The following AGBL1 variants were observed in gnomAD, a reference collection of about 807,000 sequenced individuals.
The protein encoded by AGBL1 is AGBL carboxypeptidase 1.
Under a neutral mutation model 118.9 loss-of-function variants are expected in AGBL1, and 130 were observed. The ratio of observed to expected loss-of-function variants is 1.09; its 90% CI spans 0.95 to 1.26. The LOEUF is 1.26. AGBL1 is among the 50% of genes most tolerant of loss of function. AGBL1 has a pLI of 0.00. For missense variants in AGBL1, 1,584 were observed against 1,298.1 expected (o/e 1.22, Z -3.38); for synonymous variants, 555 against 478.9 (o/e 1.16, Z -2.08).
In AGBL1 at chr15:86,912,880, G is replaced by T. The variant is rs1596626066; in HGVS notation, c.*5586G>T. On this transcript the variant is annotated 3_prime_UTR_variant, in exon 23 of 23. Transcript: ENST00000614907. ...CTTGGAAAGACATGCATAGTAGCCT[G>T]GTGCCCACCAGGAGGGCTTTTCTGG... 6.6e-6 allele frequency: 1 copy of T among 152,322 alleles called. No individual in the cohort carries two copies. Among genetic ancestry groups the T allele is most frequent in the East Asian group, 1.9e-4 (1 of 5,164 alleles). The allele number at this position is 152,322 out of a possible 1,614,324, so 9.4% of individuals were successfully genotyped here.
At chr15:86,801,111 A>C (rs1596493633) in intron 22 of AGBL1, among the ~76,000 whole-genome samples, 1 of 152,102 alleles carries the variant, frequency 6.6e-6, no homozygotes, top group East Asian at 1.9e-4. Flanking sequence ...GCCCATCCTC[A>C]AAATGATCCT....
At chr15:86,657,872 G>A (rs1567107368) in intron 21 of AGBL1, among the ~76,000 whole-genome samples, 1 of 151,884 alleles carries the variant, frequency 6.6e-6, no homozygotes, top group Non-Finnish European at 1.5e-5. Context: ...GTGTCTTGGT[G>A]GGAAGCACCC....
At chr15:86,297,345 T>A (rs1172087396) in intron 17 of AGBL1, among the ~76,000 whole-genome samples, 1 of 152,220 alleles carries the variant, frequency 6.6e-6, no homozygotes, top group Non-Finnish European at 1.5e-5. Flanking sequence ...TTGACCTAGA[T>A]GAAAGGGCTA....
intron 1 of AGBL1, among the ~76,000 whole-genome samples, chr15:86,127,875 G>A (rs369957943): frequency 1.6e-4 from 24 of 152,308 alleles, no homozygotes; most frequent in African/African-American, 5.8e-4. Flanking sequence ...ATGAGAAAAG[G>A]AAAGCCACAA....
At chr15:86,703,061 C>T (rs1343882640) in intron 22 of AGBL1, among the ~76,000 whole-genome samples, 1 of 152,114 alleles carries the variant, frequency 6.6e-6, no homozygotes, top group Non-Finnish European at 1.5e-5. Flanking sequence ...ATTGTAGTGT[C>T]TCAGAATCCA....
intron 22 of AGBL1, among the ~76,000 whole-genome samples, chr15:86,831,826 TG>T (rs1369480518): frequency 6.6e-6 from 1 of 152,190 alleles, no homozygotes; most frequent in African/African-American, 2.4e-5. Flanking sequence ...GAAATCTGTG[TG>T]GGGGCTTGCA....
At chr15:86,171,186 G>A (rs1480750525) in intron 5 of AGBL1, among the ~76,000 whole-genome samples, 2 of 152,148 alleles carry the variant, frequency 1.3e-5, no homozygotes, top group African/African-American at 2.4e-5. Flanking sequence ...GTGGAAAGAT[G>A]TATCTATTCA....
intron 21 of AGBL1, among the ~76,000 whole-genome samples, chr15:86,581,252 G>A (rs1427668897): frequency 1.3e-5 from 2 of 152,092 alleles, no homozygotes; most frequent in African/African-American, 4.8e-5. Context: ...TAATGGAGAG[G>A]CAAAAGAAAG....
intron 21 of AGBL1, among the ~76,000 whole-genome samples, chr15:86,602,619 A>G (rs2084513827): frequency 6.6e-6 from 1 of 152,172 alleles, no homozygotes; most frequent in Non-Finnish European, 1.5e-5. Context: ...TGAGGAATAC[A>G]TGAATGATCT....
chr15:86,769,778 G>C (rs1423870968), intron 22 of AGBL1, among the ~76,000 whole-genome samples: 1 of 151,938 alleles, frequency 6.6e-6, no homozygotes, highest in African/African-American at 2.4e-5. Flanking sequence ...GAAATGCAAG[G>C]CTCATTTAGA....
intron 22 of AGBL1, among the ~76,000 whole-genome samples, chr15:86,711,763 T>A (rs890179968): frequency 6.6e-6 from 1 of 152,160 alleles, no homozygotes; most frequent in African/African-American, 2.4e-5. Context: ...GCTGCTACAG[T>A]GGCAGAGTAT....
intron 24 of AGBL1, among the ~76,000 whole-genome samples, chr15:87,007,185 A>AT (rs909831469): frequency 6.6e-6 from 1 of 152,108 alleles, no homozygotes; most frequent in Non-Finnish European, 1.5e-5. Flanking sequence ...TATACAGTAC[A>AT]TTTTTTCCAG....
At chr15:87,005,747 T>A (rs2141770386) in intron 24 of AGBL1, among the ~76,000 whole-genome samples, 1 of 152,336 alleles carries the variant, frequency 6.6e-6, no homozygotes, top group East Asian at 1.9e-4. Context: ...GGAGGTGCAT[T>A]CCTTTGGAAG....
intron 17 of AGBL1, among the ~76,000 whole-genome samples, chr15:86,310,773 T>G (rs979321593): frequency 2.0e-5 from 3 of 152,176 alleles, no homozygotes; most frequent in African/African-American, 7.2e-5. Context: ...CCTCTGTTAG[T>G]CAACTGAGAG....
chr15:86,556,578 G>A (rs1429405593), intron 21 of AGBL1, among the ~76,000 whole-genome samples: 3 of 152,202 alleles, frequency 2.0e-5, no homozygotes. Context: ...CCACCCCATG[G>A]GAAGGAAGCC....
At chr15:86,242,131 C>A (rs183472535) in intron 6 of AGBL1, among the ~76,000 whole-genome samples, 4 of 152,258 alleles carry the variant, frequency 2.6e-5, no homozygotes, top group African/African-American at 4.8e-5. Context: ...TGTGAGGCCT[C>A]CCCAGCCTCA....
Position 86,091,071 on chromosome 15 carries a change from T to G in AGBL1, c.51+11048T>G, listed in dbSNP as rs1252840454. On this transcript the variant is annotated intron_variant, in intron 1 of 22. Transcript: ENST00000614907. ...GAAGGCCAAAGTTGATTTTGGGTACTGCCACCGACTTTCTGGTTGACTTGA... is the reference window on the plus strand; with the variant it reads ...GAAGGCCAAAGTTGATTTTGGGTACGGCCACCGACTTTCTGGTTGACTTGA... Among the ~76,000 whole-genome samples, 8 of 152,206 alleles carry G rather than the reference T, an allele frequency of 5.3e-5. 1 individual carries two copies. Among genetic ancestry groups the G allele is most frequent in the Admixed American group, 5.2e-4 (8 of 15,274 alleles).
At chr15:86,752,272 T>G (rs1311759531) in intron 22 of AGBL1, among the ~76,000 whole-genome samples, 1 of 152,114 alleles carries the variant, frequency 6.6e-6, no homozygotes, top group Non-Finnish European at 1.5e-5. Context: ...TATTCCAATC[T>G]TTCTGATTTT....
intron 22 of AGBL1, among the ~76,000 whole-genome samples, chr15:86,851,576 T>C (rs1462774448): frequency 7.9e-5 from 12 of 152,176 alleles, no homozygotes; most frequent in Admixed American, 7.9e-4. Context: ...AGCAAGTTTT[T>C]CCAATAAAAT....
Sources: allele counts gnomAD v4.1 joint callset (sites outside exome capture counted in the v4.1 genomes callset), GRCh38; gene constraint gnomAD v4.1.1; transcripts MANE v1.5; gene names NCBI Gene and HGNC (gene_info 2026-07-23, HGNC 2026-07-21).